Variants in KIF27 observed in about 807,000 individuals in gnomAD.
KIF27 encodes kinesin family member 27, also known as kinesin-like protein KIF27.
KIF27 carries 84 observed loss-of-function variants against 141.8 expected under a neutral mutation model. The observed-to-expected ratio is 0.59, with a 90% CI of 0.50 to 0.71. The LOEUF is 0.71. Ranked by LOEUF, KIF27 falls within the 30% of genes least tolerant of loss-of-function variation. The pLI, the probability that KIF27 is intolerant of heterozygous loss-of-function variation, is 0.00. For synonymous variants in KIF27, 471 were observed against 569.5 expected (o/e 0.83, Z 2.46); for missense variants, 1,306 against 1,628.4 (o/e 0.80, Z 3.41).
chr9:83,888,340 A>T, intron 8 of KIF27, 149 bp downstream of exon 8: 2 of 422,732 alleles, frequency 4.7e-6, no homozygotes, highest in Non-Finnish European at 4.3e-6. Flanking sequence ...TAAAACAGAG[A>T]ACATAAAAGA....
intron 15 of KIF27, among the ~76,000 whole-genome samples, chr9:83,850,644 G>A (rs1215034711): frequency 6.6e-6 from 1 of 151,308 alleles, no homozygotes; most frequent in Non-Finnish European, 1.5e-5. Context: ...TTAGCTGGGT[G>A]TGGTGGTGCA....
intron 5 of KIF27, among the ~76,000 whole-genome samples, chr9:83,897,463 A>G (rs1202334082): frequency 1.3e-5 from 2 of 152,198 alleles, no homozygotes; most frequent in Non-Finnish European, 1.5e-5. Context: ...ACAGAAATCA[A>G]TTCCTGGAGG....
chr9:83,886,831 A>G (rs1489664850), intron 9 of KIF27, among the ~76,000 whole-genome samples: 1 of 152,220 alleles, frequency 6.6e-6, no homozygotes, highest in African/African-American at 2.4e-5. Flanking sequence ...AGTTCACACC[A>G]GTTAGAACAA....
intron 4 of KIF27, among the ~76,000 whole-genome samples, chr9:83,902,278 T>C (rs1953996425): frequency 6.6e-6 from 1 of 152,228 alleles, no homozygotes; most frequent in African/African-American, 2.4e-5. Flanking sequence ...TTTTCTACTT[T>C]GAAAAATGGA....
Position 83,887,139 on chromosome 9 carries a change from T to C in KIF27, c.2141A>G (p.Asn714Ser). The change falls in exon 9 of 18, where the codon AAT (asparagine) becomes AGT (serine). Residue 714 changes from asparagine (N) to serine (S), a missense_variant. Physicochemically the swap from Asn to Ser is conservative, Grantham distance 46. Transcript: ENST00000297814. ...AGCTTCAGTAAGTATGCGTTCTGAATTCTTTAATTTTTGCAAATTCAATTC... is the reference window on the plus strand; with the variant it reads ...AGCTTCAGTAAGTATGCGTTCTGAACTCTTTAATTTTTGCAAATTCAATTC... ...SQELNLQKLK[N>S]SERILTEAKQ... is the part of the protein sequence containing the mutation. The C allele has an allele frequency of 6.3e-7, 1 of 1,595,302 alleles. No individual in the cohort carries two copies. Among genetic ancestry groups the C allele is most frequent in the Non-Finnish European group, 8.5e-7 (1 of 1,172,848 alleles).
chr9:83,915,018 T>C (rs1955551507), intron 2 of KIF27, among the ~76,000 whole-genome samples: 1 of 152,322 alleles, frequency 6.6e-6, no homozygotes, highest in East Asian at 1.9e-4. Context: ...ATCTCTATTT[T>C]AAATTCTGTT....
At chr9:83,881,251 T>G (rs1330366556) in intron 10 of KIF27, among the ~76,000 whole-genome samples, 2 of 152,176 alleles carry the variant, frequency 1.3e-5, no homozygotes, top group Non-Finnish European at 2.9e-5. Flanking sequence ...TATAAAATAC[T>G]TGTGTTACAA....
At position 83,915,404 on chromosome 9, in the gene KIF27, G is replaced by T; in HGVS notation, c.188C>A (p.Thr63Lys). The change falls in exon 2 of 18, where the codon ACA becomes AAA. Residue 63 changes from threonine to lysine, a missense_variant. Around this residue, in one of 4 missense-constraint regions of KIF27, gnomAD observed 533 missense variants for 565.6 expected, o/e 0.94. Transcript: ENST00000297814. Reference sequence around the variant, plus strand: ...TGACAACACTAGGGGCTTTATACATGTGTTATAAACTTCATCTTGAGTGGA... The same window carrying T: ...TGACAACACTAGGGGCTTTATACATTTGTTATAAACTTCATCTTGAGTGGA... ...KNSTQDEVYN[T>K]CIKPLVLSLI... 1 of 1,613,844 alleles carries T rather than the reference G, an allele frequency of 6.2e-7. No individual in the cohort carries two copies. The highest frequency in any genetic ancestry group is 8.5e-7 in the Non-Finnish European group (1 of 1,179,808).
At chr9:83,875,872 C>T (rs1366792584) in intron 11 of KIF27, among the ~76,000 whole-genome samples, 1 of 151,492 alleles carries the variant, frequency 6.6e-6, no homozygotes, top group Non-Finnish European at 1.5e-5. Context: ...GTAGAAGTAA[C>T]AGAAACAAAT....
intron 15 of KIF27, among the ~76,000 whole-genome samples, chr9:83,852,537 TCAATAA>T (rs748366381): frequency 4.6e-5 from 7 of 152,076 alleles, no homozygotes; most frequent in South Asian, 2.1e-4. Flanking sequence ...TGCACTCTCA[TCAATAA>T]CAATAACAGT....
At chr9:83,911,103 G>A (rs1464698532) in intron 2 of KIF27, among the ~76,000 whole-genome samples, 1 of 152,092 alleles carries the variant, frequency 6.6e-6, no homozygotes, top group East Asian at 1.9e-4. Context: ...GTCTCACTGT[G>A]TCACCCAGGC....
chr9:83,836,981 A>G lies in KIF27; in HGVS notation c.*20T>C, dbSNP rs1945922971. ...AAGGAATCTTTTTACATATCTACTA[A>G]AAGTTCTATTATTCAATGTCTAAGT... On this transcript the variant is annotated 3_prime_UTR_variant, in exon 18 of 18. Coordinates refer to ENST00000297814, the MANE Select transcript of KIF27 (RefSeq NM_017576.4). The G allele has an allele frequency of 6.2e-7, 1 of 1,602,218 alleles. No homozygotes were observed. Among genetic ancestry groups the G allele is most frequent in the Non-Finnish European group, 8.5e-7 (1 of 1,176,752 alleles).
Position 83,887,274 on chromosome 9 carries a change from G to T in KIF27, c.2084-78C>A, listed in dbSNP as rs371905852. 2,049 of 975,892 alleles carry T rather than the reference G, an allele frequency of 2.1e-3. 26 individuals carry two copies. The African/African-American group carries it at 0.031, about 15-fold the overall frequency. 60.5% of individuals were successfully genotyped at this position (975,892 alleles called of 1,614,324 possible). On this transcript the variant is annotated intron_variant, in intron 8 of 17. Transcript: ENST00000297814. The stretch of plus-strand genomic sequence containing the variant: ...AAGTAGAGTTAAAAAAAGAAAAGCA[G>T]ACTCAAAAGCAATTTAGAGGTGGCA...
rs1378912495 is a variant in KIF27 at position 83,838,416 on chromosome 9, G to A, written c.3722-931C>T. On this transcript the variant is annotated intron_variant, in intron 17 of 17. Coordinates refer to ENST00000297814, the MANE Select transcript of KIF27 (RefSeq NM_017576.4). ...GCCCGGCGAATTTTTTGTATTTTTA[G>A]TAGAGATGGGGTTTCACCGTGTTAG... Among the ~76,000 whole-genome samples, 4 of 152,128 alleles carry A rather than the reference G, an allele frequency of 2.6e-5. No individual in the cohort carries two copies. In the South Asian group the frequency reaches 8.3e-4, roughly 32 times the overall value.
At chr9:83,872,613 A>C (rs1950889258) in intron 11 of KIF27, among the ~76,000 whole-genome samples, 2 of 152,208 alleles carry the variant, frequency 1.3e-5, no homozygotes, top group Non-Finnish European at 1.5e-5. Context: ...TGTTTTATAA[A>C]AGTGTTAGGC....
chr9:83,917,921 T>C, intron 1 of KIF27, among the ~76,000 whole-genome samples: 1 of 152,028 alleles, frequency 6.6e-6, no homozygotes, highest in East Asian at 1.9e-4. Flanking sequence ...AGCAATAAAA[T>C]AAAAAATACC....
In KIF27 at chr9:83,899,677, T is replaced by G; in HGVS notation, c.1586A>C (p.Lys529Thr). The change falls in exon 5 of 18, where the codon AAA (lysine) becomes ACA (threonine). Residue 529 changes from lysine to threonine, a missense_variant. This residue lies in a region of KIF27 where 596 missense variants were observed against 751.6 expected (regional missense o/e 0.79). Transcript: ENST00000297814. ...GHAVSLKEAQKVNRLQNEKII... is the reference protein window; with the variant it reads ...GHAVSLKEAQTVNRLQNEKII... ...AGAAACTACCTGCAGTCTATTCACT[T>G]TTTGCGCTTCTTTCAAAGATACAGC... is the stretch of plus-strand genomic sequence containing the variant. 6.2e-7 allele frequency: 1 copy of G among 1,613,714 alleles called. No individual in the cohort carries two copies.
intron 1 of KIF27, among the ~76,000 whole-genome samples, chr9:83,917,240 GA>G (rs1455879319): frequency 1.4e-5 from 2 of 143,936 alleles, no homozygotes; most frequent in Non-Finnish European, 1.5e-5. Context: ...GCATCAAAAA[GA>G]ATAAAATACT....
In KIF27 at chr9:83,887,079, T is replaced by G. The variant is rs1415739171; in HGVS notation, c.2201A>C (p.Lys734Thr). ...QKMRELTINI[K>T]MKEDLIKELI... The stretch of plus-strand genomic sequence containing the variant: ...TTCTTTAATCAGATCTTCCTTCATC[T>G]TGATGTTAATTGTAAGTTCTCTCAT... Residue 734 changes from lysine to threonine, a missense_variant, in exon 9 of 18, where the codon AAG becomes ACG. Physicochemically the swap from Lys to Thr is moderately conservative, Grantham distance 78 (BLOSUM62 -1). Transcript: ENST00000297814. 1.6e-5 allele frequency: 25 copies of G among 1,600,414 alleles called. No homozygotes were observed. Among genetic ancestry groups the G allele is most frequent in the Non-Finnish European group, 2.1e-5 (25 of 1,175,806 alleles).
Sources: allele counts gnomAD v4.1 joint callset (sites outside exome capture counted in the v4.1 genomes callset), GRCh38; gene constraint gnomAD v4.1.1; regional missense constraint gnomAD v4.1.1; transcripts MANE v1.5; gene names NCBI Gene and HGNC (gene_info 2026-07-23, HGNC 2026-07-21).